Variants in EXOC4 observed in about 807,000 individuals in gnomAD.
The protein encoded by EXOC4 is SEC8-like 1.
Under a neutral mutation model 107.2 loss-of-function variants are expected in EXOC4, and 71 were observed. The observed-to-expected ratio is 0.66, with a 90% CI of 0.55 to 0.81. The LOEUF is 0.81. EXOC4 is among the 30% of genes least tolerant of loss of function. The pLI, the probability that EXOC4 is intolerant of heterozygous loss-of-function variation, is 0.00. For synonymous variants in EXOC4, 456 were observed against 441.2 expected (o/e 1.03, Z -0.42); for missense variants, 1,108 against 1,189.6 (o/e 0.93, Z 1.01).
chr7:133,538,868 A>G (rs1275224277), intron 9 of EXOC4, among the ~76,000 whole-genome samples: 2 of 114,076 alleles, frequency 1.8e-5, no homozygotes. Context: ...AGAGAGAGAG[A>G]GAGAGAGAGA....
At chr7:133,607,564 A>G (rs901429643) in intron 9 of EXOC4, among the ~76,000 whole-genome samples, 1 of 152,194 alleles carries the variant, frequency 6.6e-6, no homozygotes, top group African/African-American at 2.4e-5. Context: ...GTAGTAAATA[A>G]ATAATTATAG....
At chr7:133,961,846 A>T (rs1800952588) in intron 14 of EXOC4, among the ~76,000 whole-genome samples, 1 of 152,226 alleles carries the variant, frequency 6.6e-6, no homozygotes, top group African/African-American at 2.4e-5. Flanking sequence ...CAGCAGTAAT[A>T]GTTGGCATTT....
At chr7:133,505,550 CT>C (rs1799650727) in intron 9 of EXOC4, among the ~76,000 whole-genome samples, 1 of 152,014 alleles carries the variant, frequency 6.6e-6, no homozygotes, top group Non-Finnish European at 1.5e-5. Context: ...GAAAATTTTT[CT>C]AATGTAACAT....
In EXOC4 at chr7:133,930,316, T is replaced by C. The variant is rs1800148689; in HGVS notation, c.2028-7575T>C. 3 of 152,210 alleles carry C rather than the reference T, an allele frequency of 2.0e-5. No homozygotes were observed. The South Asian group carries it at 6.2e-4, about 31-fold the overall frequency. The allele number at this position is 152,210 out of a possible 1,614,324, so 9.4% of individuals were successfully genotyped here. ...CCTAATTGTTTATACCTAGTGTTGC[T>C]TGACAATATCTATGAAGCAAAGTTA... is the stretch of plus-strand genomic sequence containing the variant. On this transcript the variant is annotated intron_variant, in intron 13 of 17. Coordinates refer to ENST00000253861, the MANE Select transcript of EXOC4 (RefSeq NM_021807.4).
the EXOC4 span, among the ~76,000 whole-genome samples, chr7:134,095,173 G>A: frequency 2.6e-5 from 4 of 151,820 alleles, no homozygotes; most frequent in African/African-American, 7.3e-5. Context: ...TATTCAAGCT[G>A]AGAGCCAAAT....
At chr7:133,561,846 A>G (rs1016192996) in intron 9 of EXOC4, among the ~76,000 whole-genome samples, 19 of 152,242 alleles carry the variant, frequency 1.2e-4, no homozygotes, top group African/African-American at 4.6e-4. Flanking sequence ...GTTCAGGGCT[A>G]GTGCCCGCTT....
intron 17 of EXOC4, among the ~76,000 whole-genome samples, chr7:134,033,916 C>A (rs999292545): frequency 6.6e-6 from 1 of 152,184 alleles, no homozygotes; most frequent in African/African-American, 2.4e-5. Context: ...GACATCCAAA[C>A]AGTGTATCGG....
At chr7:133,471,988 T>C (rs1798890634) in intron 7 of EXOC4, among the ~76,000 whole-genome samples, 1 of 152,224 alleles carries the variant, frequency 6.6e-6, no homozygotes, top group Admixed American at 6.5e-5. Context: ...ACTGGAATTA[T>C]TCTTGGAAGT....
the EXOC4 span, among the ~76,000 whole-genome samples, chr7:134,097,023 A>G: frequency 4.6e-5 from 7 of 152,162 alleles, no homozygotes; most frequent in Admixed American, 1.3e-4. Flanking sequence ...AAAAATATGA[A>G]GTAGTATGGA....
At chr7:133,806,648 T>A (rs766667511) in intron 10 of EXOC4, among the ~76,000 whole-genome samples, 6 of 152,306 alleles carry the variant, frequency 3.9e-5, no homozygotes, top group Non-Finnish European at 5.9e-5. Flanking sequence ...TCTGGAGTTC[T>A]AACCTTACGG....
intron 10 of EXOC4, among the ~76,000 whole-genome samples, chr7:133,731,628 C>T (rs1163137357): frequency 6.6e-6 from 1 of 152,126 alleles, no homozygotes; most frequent in East Asian, 1.9e-4. Flanking sequence ...CATGAGACCT[C>T]AGTTTGAATC....
In EXOC4 at chr7:133,486,220, C is replaced by T. The variant is rs149025539; in HGVS notation, c.1417+6082C>T. ...TGAGTTTTTCTCTCTAATGGGTTGT[C>T]GGTGACTGGGATTGTGAATACTTGT... On this transcript the variant is annotated intron_variant, in intron 9 of 17. Transcript: ENST00000253861. Among the ~76,000 whole-genome samples, 6 of 152,134 alleles carry T rather than the reference C, an allele frequency of 3.9e-5. No homozygotes were observed. In the East Asian group the frequency reaches 9.7e-4, roughly 25 times the overall value.
intron 11 of EXOC4, among the ~76,000 whole-genome samples, chr7:133,837,499 G>T (rs1298930885): frequency 6.6e-6 from 1 of 152,196 alleles, no homozygotes; most frequent in African/African-American, 2.4e-5. Context: ...TTTGTCATCT[G>T]TGATTTCAGC....
intron 17 of EXOC4, among the ~76,000 whole-genome samples, chr7:134,010,462 C>T (rs772693440): frequency 8.5e-5 from 13 of 152,112 alleles, no homozygotes; most frequent in Non-Finnish European, 1.8e-4. Context: ...TTCTTGTTTT[C>T]ATACAGACAC....
At chr7:133,909,216 G>A (rs1042115170) in intron 12 of EXOC4, among the ~76,000 whole-genome samples, 1 of 152,178 alleles carries the variant, frequency 6.6e-6, no homozygotes, top group Admixed American at 6.5e-5. Context: ...AGGAGCCAGC[G>A]TTATTCTAGG....
chr7:133,641,685 A>G (rs1319940682), intron 10 of EXOC4, among the ~76,000 whole-genome samples: 1 of 152,200 alleles, frequency 6.6e-6, no homozygotes, highest in African/African-American at 2.4e-5. Flanking sequence ...GCATCCATCA[A>G]TATCTTTTTT....
intron 12 of EXOC4, among the ~76,000 whole-genome samples, chr7:133,897,971 A>T (rs1331833668): frequency 1.3e-5 from 2 of 152,132 alleles, no homozygotes; most frequent in Admixed American, 1.3e-4. Context: ...GAAACTTTGT[A>T]TGGTTTGAGC....
intron 17 of EXOC4, among the ~76,000 whole-genome samples, chr7:134,059,644 A>G (rs1432306621): frequency 1.3e-5 from 2 of 152,348 alleles, no homozygotes; most frequent in African/African-American, 2.4e-5. Flanking sequence ...TTCTGTTTTT[A>G]GAAATCTATC....
chr7:133,736,262 T>G (rs904033099), intron 10 of EXOC4, among the ~76,000 whole-genome samples: 3 of 152,190 alleles, frequency 2.0e-5, no homozygotes, highest in Non-Finnish European at 4.4e-5. Context: ...TTTCTCTACT[T>G]TAACCACCCA....
Sources: allele counts gnomAD v4.1 joint callset (sites outside exome capture counted in the v4.1 genomes callset), GRCh38; gene constraint gnomAD v4.1.1; transcripts MANE v1.5; gene names NCBI Gene and HGNC (gene_info 2026-07-23, HGNC 2026-07-21).